Variants in MPPED1 observed in about 807,000 individuals in gnomAD.
The protein encoded by MPPED1 is metallophosphoesterase domain-containing protein 1.
MPPED1 carries 16 observed loss-of-function variants against 36.2 expected under a neutral mutation model. The observed-to-expected ratio is 0.44, with a 90% CI of 0.30 to 0.67. The LOEUF is 0.67. Ranked by LOEUF, MPPED1 falls within the 30% of genes least tolerant of loss-of-function variation. The probability of loss-of-function intolerance (pLI) is 0.10; values close to 1 mark genes in which losing one functional copy is unlikely to be tolerated. For missense variants in MPPED1, 307 were observed against 453.4 expected, an observed-to-expected ratio of 0.68 and a Z score of 2.93; for synonymous variants, 199 against 191.3, an observed-to-expected ratio of 1.04 and a Z score of -0.33.
At chr22:43,449,774 C>T (rs907280386) in intron 3 of MPPED1, among the ~76,000 whole-genome samples, 1 of 152,198 alleles carries the variant, frequency 6.6e-6, no homozygotes, top group Non-Finnish European at 1.5e-5. Context: ...CCTCCCTGGA[C>T]CTCAGTTTTA....
chr22:43,488,618 C>T (rs944727481), intron 4 of MPPED1, among the ~76,000 whole-genome samples: 1 of 152,230 alleles, frequency 6.6e-6, no homozygotes, highest in Non-Finnish European at 1.5e-5. Flanking sequence ...ATTCAGCGCT[C>T]TGTTAAAGTT....
intron 3 of MPPED1, among the ~76,000 whole-genome samples, chr22:43,442,554 A>G (rs76611014): frequency 6.6e-6 from 1 of 152,078 alleles, no homozygotes; most frequent in Admixed American, 6.5e-5. Context: ...TTCTCTATGC[A>G]TGGAGGGTGC....
chr22:43,486,417 C>T (rs1931914128), intron 4 of MPPED1, among the ~76,000 whole-genome samples: 2 of 152,094 alleles, frequency 1.3e-5, no homozygotes, highest in South Asian at 4.1e-4. Flanking sequence ...GGGATCAGGA[C>T]AGAGAGTGCT....
intron 4 of MPPED1, among the ~76,000 whole-genome samples, chr22:43,479,792 C>T (rs1931693335): frequency 6.6e-6 from 1 of 152,214 alleles, no homozygotes; most frequent in African/African-American, 2.4e-5. Flanking sequence ...AAAAAGCAAA[C>T]ATATGGTTAT....
chr22:43,457,816 A>G (rs913485676), intron 3 of MPPED1, among the ~76,000 whole-genome samples: 1 of 152,150 alleles, frequency 6.6e-6, no homozygotes, highest in Admixed American at 6.6e-5. Flanking sequence ...CCCCTCCTTT[A>G]TGCTATTATT....
chr22:43,500,124 A>ATGG (rs1176953300), intron 5 of MPPED1, among the ~76,000 whole-genome samples: 1 of 47,270 alleles, frequency 2.1e-5, no homozygotes, highest in Non-Finnish European at 4.6e-5. Flanking sequence ...GAAGGTGGTG[A>ATGG]TGGAGGTGGT....
intron 2 of MPPED1, among the ~76,000 whole-genome samples, chr22:43,431,708 G>C (rs1328311594): frequency 1.3e-5 from 2 of 152,240 alleles, no homozygotes; most frequent in African/African-American, 4.8e-5. Context: ...CATTATGAGG[G>C]TGAAGAGAGC....
Position 43,505,506 on chromosome 22 carries a change from G to C in MPPED1, c.871G>C (p.Val291Leu). The C allele has an allele frequency of 6.2e-7, 1 of 1,608,428 alleles. No homozygotes were observed. The highest frequency in any genetic ancestry group is 8.5e-7 in the Non-Finnish European group (1 of 1,177,584). ...VFGHIHEGYGVMADGTTTYVN... is the reference protein window; with the variant it reads ...VFGHIHEGYGLMADGTTTYVN... ...ATGTGCTTACTTTCCAGGGTATGGTGTCATGGCAGATGGGACGACCACCTA... is the reference window on the plus strand; with the variant it reads ...ATGTGCTTACTTTCCAGGGTATGGTCTCATGGCAGATGGGACGACCACCTA... The change falls in exon 7 of 7, where the codon GTC becomes CTC. Residue 291 changes from valine (V) to leucine (L), a missense_variant. By Grantham distance (32) the Val-to-Leu change is conservative. Coordinates refer to ENST00000443721, the MANE Select transcript of MPPED1 (RefSeq NM_001044370.2).
At chr22:43,450,028 G>T (rs1420230181) in intron 3 of MPPED1, among the ~76,000 whole-genome samples, 1 of 152,202 alleles carries the variant, frequency 6.6e-6, no homozygotes, top group Non-Finnish European at 1.5e-5. Flanking sequence ...GACACCAGCA[G>T]GTACCATGGG....
intron 1 of MPPED1, among the ~76,000 whole-genome samples, chr22:43,423,080 G>A (rs530216756): frequency 8.5e-5 from 13 of 152,202 alleles, no homozygotes; most frequent in African/African-American, 3.1e-4. Context: ...CAGGTGATCC[G>A]CCCGTCTCAG....
chr22:43,461,887 G>C (rs1029517711), intron 3 of MPPED1, among the ~76,000 whole-genome samples: 4 of 152,108 alleles, frequency 2.6e-5, no homozygotes, highest in Admixed American at 1.3e-4. Flanking sequence ...TAATAATATT[G>C]CCTGTTTTGT....
intron 3 of MPPED1, among the ~76,000 whole-genome samples, chr22:43,438,615 G>A (rs1407288843): frequency 6.6e-6 from 1 of 152,144 alleles, no homozygotes; most frequent in Admixed American, 6.5e-5. Flanking sequence ...TTCCAGAGTC[G>A]ATGTCTGGGT....
chr22:43,476,172 C>T (rs548222172), intron 4 of MPPED1, among the ~76,000 whole-genome samples: 3 of 152,134 alleles, frequency 2.0e-5, no homozygotes, highest in Non-Finnish European at 4.4e-5. Context: ...AACCTTATCT[C>T]TAATCCTTAC....
At chr22:43,503,966 G>A (rs780233412) in intron 6 of MPPED1, among the ~76,000 whole-genome samples, 6 of 152,216 alleles carry the variant, frequency 3.9e-5, no homozygotes, top group Non-Finnish European at 7.3e-5. Context: ...GCTGAAGGAT[G>A]AGGGGGATTC....
chr22:43,434,046 A>G (rs1929864094), intron 2 of MPPED1, among the ~76,000 whole-genome samples: 1 of 152,144 alleles, frequency 6.6e-6, no homozygotes, highest in Admixed American at 6.5e-5. Flanking sequence ...CCACGTCCAC[A>G]TTTCTGCACT....
intron 4 of MPPED1, among the ~76,000 whole-genome samples, chr22:43,481,589 A>G (rs957336919): frequency 6.6e-6 from 1 of 152,130 alleles, no homozygotes; most frequent in African/African-American, 2.4e-5. Flanking sequence ...ACTCAGTTAA[A>G]ATCCAGGCCA....
chr22:43,466,030 C>T (rs149745056), intron 3 of MPPED1, among the ~76,000 whole-genome samples: 5 of 152,312 alleles, frequency 3.3e-5, no homozygotes, highest in African/African-American at 1.2e-4. Context: ...AGAAAACTTT[C>T]GGCCTGAAGT....
chr22:43,450,724 T>TC (rs1930533605), intron 3 of MPPED1, among the ~76,000 whole-genome samples: 1 of 56,046 alleles, frequency 1.8e-5, no homozygotes, highest in South Asian at 6.4e-4. Flanking sequence ...GATGGTAGAC[T>TC]TTTTTTTTCT....
At chr22:43,418,900 TG>T (rs1384250764) in intron 1 of MPPED1, 2 of 152,474 alleles carry the variant, frequency 1.3e-5, no homozygotes, top group Non-Finnish European at 1.5e-5. Context: ...CCAGGCACCA[TG>T]GGCTTTCAGG....
Sources: gnomAD v4.1 joint callset for allele counts (sites outside exome capture counted in the v4.1 genomes callset) on GRCh38, gnomAD v4.1.1 for gene constraint, MANE v1.5 for transcripts, NCBI Gene and HGNC (gene_info 2026-07-23, HGNC 2026-07-21) for gene names.